CAMTA1: variants seen among roughly 807,000 people sequenced by gnomAD.
CAMTA1 encodes calmodulin-binding transcription activator 1.
A neutral mutation model predicts 170.9 loss-of-function variants in CAMTA1; 27 were observed. That is an observed-to-expected ratio of 0.16 (90% CI 0.12 to 0.22). The LOEUF (loss-of-function observed/expected upper bound fraction) is 0.22. Ranked by LOEUF, CAMTA1 falls within the 10% of genes least tolerant of loss-of-function variation. CAMTA1 has a pLI of 1.00. For missense variants in CAMTA1, 1,619 were observed against 2,217.2 expected (o/e 0.73, Z 5.42); for synonymous variants, 833 against 891.5 (o/e 0.93, Z 1.17).
intron 3 of CAMTA1, among the ~76,000 whole-genome samples, chr1:6,885,123 T>A (rs937437520): frequency 6.6e-6 from 1 of 152,256 alleles, no homozygotes; most frequent in African/African-American, 2.4e-5. Flanking sequence ...TTTTTCTTCC[T>A]GCTAAATGGT....
At chr1:7,539,308 G>A (rs760121590) in intron 6 of CAMTA1, among the ~76,000 whole-genome samples, 39 of 152,202 alleles carry the variant, frequency 2.6e-4, no homozygotes, top group Non-Finnish European at 4.7e-4. Flanking sequence ...ACCCTCTCAG[G>A]CTATCTCCCC....
chr1:7,505,921 G>T (rs2094099577), intron 6 of CAMTA1, among the ~76,000 whole-genome samples: 1 of 152,136 alleles, frequency 6.6e-6, no homozygotes, highest in Non-Finnish European at 1.5e-5. Context: ...GGCCCTCCCA[G>T]TCCGAGAGGC....
intron 3 of CAMTA1, among the ~76,000 whole-genome samples, chr1:6,893,917 A>G (rs1675101204): frequency 6.6e-6 from 1 of 152,008 alleles, no homozygotes; most frequent in South Asian, 2.1e-4. Flanking sequence ...CCAAATATTT[A>G]CTCCAATGAT....
chr1:7,037,491 A>G (rs1371802840), intron 3 of CAMTA1, among the ~76,000 whole-genome samples: 2 of 152,102 alleles, frequency 1.3e-5, no homozygotes, highest in Non-Finnish European at 2.9e-5. Context: ...GGTTCTTCGC[A>G]TTGGGCTTTA....
rs1016108871 is a variant in CAMTA1, at chr1:7,195,145, C to T, written c.303-54346C>T. ...CCAACTAACCCAGCCCAGCAGCAGG[C>T]GAGGTTTTCTGTCGTCCAGCACGTG... On this transcript the variant is annotated intron_variant, in intron 4 of 22. Transcript: ENST00000303635. The surrounding 1 kb of genome is among the most constrained non-coding windows in gnomAD (Gnocchi z 4.1). Among the ~76,000 whole-genome samples, 3 of 152,144 alleles carry T rather than the reference C, an allele frequency of 2.0e-5. No individual in the cohort carries two copies. The highest frequency in any genetic ancestry group is 1.9e-4 in the East Asian group (1 of 5,186).
chr1:7,547,781 T>C lies in CAMTA1; in HGVS notation c.510+79880T>C, dbSNP rs1025024281. 1.3e-5 allele frequency among the ~76,000 whole-genome samples: 2 copies of C among 151,980 alleles called. No individual in the cohort carries two copies. The highest frequency in any genetic ancestry group is 4.8e-5 in the African/African-American group (2 of 41,358). Reference sequence around the variant, plus strand: ...GCCTAAGAGAATTATTCTTCCAACATAATCTCCCTGTACACAACCAGTCTC... The same window carrying C: ...GCCTAAGAGAATTATTCTTCCAACACAATCTCCCTGTACACAACCAGTCTC... On this transcript the variant is annotated intron_variant, in intron 6 of 22. Coordinates refer to ENST00000303635, the MANE Select transcript of CAMTA1 (RefSeq NM_015215.4). The surrounding 1 kb of genome is among the most constrained non-coding windows in gnomAD (Gnocchi z 5.7).
At chr1:7,550,261 A>G (rs1270729426) in intron 6 of CAMTA1, among the ~76,000 whole-genome samples, 1 of 152,094 alleles carries the variant, frequency 6.6e-6, no homozygotes, top group Admixed American at 6.5e-5. Flanking sequence ...TTAAATGCAG[A>G]TCTTTCTTTG....
intron 11 of CAMTA1, among the ~76,000 whole-genome samples, chr1:7,716,404 G>C (rs1041996369): frequency 6.6e-6 from 1 of 152,130 alleles, no homozygotes; most frequent in African/African-American, 2.4e-5. Flanking sequence ...ATATTGGACA[G>C]ATATTTTATC....
rs1020644826 is a variant in CAMTA1 at position 7,248,239 on chromosome 1, A to G, written c.303-1252A>G. On this transcript the variant is annotated intron_variant, in intron 4 of 22. Coordinates refer to ENST00000303635, the MANE Select transcript of CAMTA1 (RefSeq NM_015215.4). This position sits in a 1 kb window ranked among gnomAD's most constrained non-coding sequence, Gnocchi z 4.0. ...ATGGCCCATTGTTCGTAGCAAGAAGAAAAGAAAGGCGCTGGAGGGTCTTGC... is the reference window on the plus strand; with the variant it reads ...ATGGCCCATTGTTCGTAGCAAGAAGGAAAGAAAGGCGCTGGAGGGTCTTGC... Among the ~76,000 whole-genome samples, 1 of 152,166 alleles carries G rather than the reference A, an allele frequency of 6.6e-6. No individual in the cohort carries two copies. Among genetic ancestry groups the G allele is most frequent in the African/African-American group, 2.4e-5 (1 of 41,440 alleles).
intron 4 of CAMTA1, among the ~76,000 whole-genome samples, chr1:7,205,638 T>A (rs1241012771): frequency 2.6e-5 from 4 of 152,252 alleles, no homozygotes; most frequent in African/African-American, 4.8e-5. Context: ...ACATATTTAT[T>A]TTCATGCTTT....
At chr1:6,929,137 G>A (rs1224186288) in intron 3 of CAMTA1, among the ~76,000 whole-genome samples, 1 of 152,162 alleles carries the variant, frequency 6.6e-6, no homozygotes, top group Non-Finnish European at 1.5e-5. Flanking sequence ...CATACTCTTA[G>A]AATAAAGAAC....
At chr1:7,492,537 G>T (rs1031430014) in intron 6 of CAMTA1, among the ~76,000 whole-genome samples, 2 of 152,102 alleles carry the variant, frequency 1.3e-5, no homozygotes, top group African/African-American at 4.8e-5. Flanking sequence ...GCATAGCACT[G>T]TGAGGGCTTG....
chr1:7,242,771 A>AAAATAAAATAAAT (rs531520105), intron 4 of CAMTA1, among the ~76,000 whole-genome samples: 2 of 145,468 alleles, frequency 1.4e-5, no homozygotes, highest in African/African-American at 5.2e-5. Context: ...TACTGAAAAT[A>AAAATAAAATAAAT]AAATAAATAA....
At chr1:7,558,708 G>A (rs2094915100) in intron 6 of CAMTA1, among the ~76,000 whole-genome samples, 1 of 152,146 alleles carries the variant, frequency 6.6e-6, no homozygotes, top group African/African-American at 2.4e-5. Flanking sequence ...GGAGAAGCAG[G>A]GGCTTCCGCC....
At chr1:7,276,301 A>T (rs1193609341) in intron 5 of CAMTA1, among the ~76,000 whole-genome samples, 7,532 of 18,600 alleles carry the variant, frequency 0.4, 702 homozygotes, top group Non-Finnish European at 0.45. Context: ...ATATATATAT[A>T]TATTTTTTTT....
At chr1:7,429,163 C>T (rs184946064) in intron 5 of CAMTA1, among the ~76,000 whole-genome samples, 31 of 152,300 alleles carry the variant, frequency 2.0e-4, no homozygotes, top group Admixed American at 2.0e-3. Flanking sequence ...GGGTGTATGT[C>T]CTTGAGTGAG....
At chr1:7,420,658 T>A (rs2091501645) in intron 5 of CAMTA1, among the ~76,000 whole-genome samples, 1 of 152,186 alleles carries the variant, frequency 6.6e-6, no homozygotes, top group African/African-American at 2.4e-5. Context: ...CTCAGTCTCC[T>A]GGAAATCCAT....
chr1:7,595,459 G>A (rs1367630991), intron 6 of CAMTA1, among the ~76,000 whole-genome samples: 2 of 152,322 alleles, frequency 1.3e-5, no homozygotes, highest in South Asian at 4.1e-4. Context: ...CCTTAATTTG[G>A]TTCTTCTTTA....
intron 4 of CAMTA1, among the ~76,000 whole-genome samples, chr1:7,208,947 G>A (rs1427391037): frequency 6.6e-6 from 1 of 152,184 alleles, no homozygotes; most frequent in African/African-American, 2.4e-5. Flanking sequence ...GCTGGCATGG[G>A]GCTGTGGTTG....
Sources: allele counts gnomAD v4.1 joint callset (sites outside exome capture counted in the v4.1 genomes callset), GRCh38; gene constraint gnomAD v4.1.1; non-coding constraint Gnocchi (gnomAD v3.1); transcripts MANE v1.5; gene names NCBI Gene and HGNC (gene_info 2026-07-23, HGNC 2026-07-21).